Variants in MGLL observed in about 807,000 individuals in gnomAD.
MGLL encodes the protein monoglyceride lipase.
In MGLL, 7 loss-of-function variants were observed where a neutral mutation model predicts 29.1. The observed-to-expected ratio is 0.24, with a 90% CI of 0.14 to 0.45. The LOEUF (loss-of-function observed/expected upper bound fraction) is 0.45, where lower values mean the gene tolerates loss of function less well. Among genes scored for constraint, MGLL ranks in the 20% least tolerant of loss-of-function variants. The probability of loss-of-function intolerance (pLI) is 0.99; values close to 1 mark genes in which losing one functional copy is unlikely to be tolerated. For synonymous variants in MGLL, 148 were observed against 168.3 expected (o/e 0.88, Z 0.93); for missense variants, 356 against 413.6 (o/e 0.86, Z 1.21).
intron 3 of MGLL, among the ~76,000 whole-genome samples, chr3:127,727,704 T>TAAAAAAAAAAAAAA: frequency 1.2e-5 from 1 of 80,710 alleles, no homozygotes; most frequent in Non-Finnish European, 2.3e-5. Flanking sequence ...AGAGCAAGGC[T>TAAAAAAAAAAAAAA]AAAAAAAAAA....
At chr3:127,799,385 C>T (rs1004395817) in intron 2 of MGLL, 1 of 152,226 alleles carries the variant, frequency 6.6e-6, no homozygotes, top group South Asian at 2.1e-4. Flanking sequence ...CTACCACCCT[C>T]AAGACCAGCT....
At position 127,813,760 on chromosome 3, in the gene MGLL, A is replaced by G. The variant is rs188464596; in HGVS notation, c.155+7934T>C. On this transcript the variant is annotated intron_variant, in intron 2 of 7. Transcript: ENST00000265052. ...CCATTTTGAGAGTCTGGTGGAGCCT[A>G]TGATCCATCTTCCTTTCCTAGAAAA... is the stretch of plus-strand genomic sequence containing the variant. Among the ~76,000 whole-genome samples the G allele has an allele frequency of 5.6e-4, 86 of 152,226 alleles. 1 individual carries two copies. Among genetic ancestry groups the G allele is most frequent in the Admixed American group, 1.6e-3 (24 of 15,290 alleles).
At chr3:127,726,190 AAAAG>A (rs57101517) in intron 3 of MGLL, among the ~76,000 whole-genome samples, 1,263 of 74,088 alleles carry the variant, frequency 0.017, 21 homozygotes, top group East Asian at 0.075. Context: ...GAAAGAAAAG[AAAAG>A]AAAGAAAGAA....
At chr3:127,732,289 G>C (rs372170850) in intron 3 of MGLL, among the ~76,000 whole-genome samples, 5 of 152,338 alleles carry the variant, frequency 3.3e-5, no homozygotes. Context: ...TGTTTCATTT[G>C]TTCCCCACAA....
rs149185693 is a variant in MGLL, at chr3:127,808,375, T to C, written c.155+13319A>G. ...TGCAGTCTTAAAATGGTTGCCAGAG[T>C]GCCCAGGGTTCACACTTCTAGAGTC... On this transcript the variant is annotated intron_variant, in intron 2 of 7. Transcript: ENST00000265052. Among the ~76,000 whole-genome samples, 9 of 152,282 alleles carry C rather than the reference T, an allele frequency of 5.9e-5. No homozygotes were observed. In the East Asian group the frequency reaches 1.7e-3, roughly 29 times the overall value.
At chr3:127,742,088 G>T (rs984681540) in intron 3 of MGLL, among the ~76,000 whole-genome samples, 1 of 152,184 alleles carries the variant, frequency 6.6e-6, no homozygotes, top group African/African-American at 2.4e-5. Context: ...TAGATCAAAA[G>T]ATACGAATAT....
At chr3:127,771,995 G>A (rs1023193186) in intron 3 of MGLL, among the ~76,000 whole-genome samples, 7 of 152,246 alleles carry the variant, frequency 4.6e-5, no homozygotes, top group African/African-American at 1.7e-4. Flanking sequence ...TTACACCAAC[G>A]TCTCTCAGGG....
intron 2 of MGLL, among the ~76,000 whole-genome samples, chr3:127,808,336 T>C (rs539893442): frequency 4.6e-5 from 7 of 152,326 alleles, no homozygotes; most frequent in African/African-American, 1.7e-4. Flanking sequence ...CCATTCTTGG[T>C]CAGACTTCCC....
chr3:127,811,990 T>C (rs55912876), intron 2 of MGLL, among the ~76,000 whole-genome samples: 4,320 of 152,328 alleles, frequency 0.028, 198 homozygotes, highest in African/African-American at 0.098. Context: ...ATTCCTAACA[T>C]ACCCCAGACT....
chr3:127,697,373 C>G (rs2075389102), intron 6 of MGLL, among the ~76,000 whole-genome samples: 1 of 152,250 alleles, frequency 6.6e-6, no homozygotes, highest in Admixed American at 6.5e-5. Flanking sequence ...CTCTGGCTGT[C>G]TGCCCGGCAC....
At chr3:127,784,616 A>G (rs2077182980) in intron 2 of MGLL, among the ~76,000 whole-genome samples, 1 of 152,116 alleles carries the variant, frequency 6.6e-6, no homozygotes, top group African/African-American at 2.4e-5. Flanking sequence ...CTGTAGGCTT[A>G]GCCTTCCACA....
At chr3:127,764,540 T>C (rs2076823237) in intron 3 of MGLL, among the ~76,000 whole-genome samples, 1 of 152,156 alleles carries the variant, frequency 6.6e-6, no homozygotes, top group East Asian at 1.9e-4. Flanking sequence ...GCTCACGTGC[T>C]CTCCTCATCT....
intron 4 of MGLL, 117 bp from the exon 5 acceptor site, chr3:127,721,280 G>A (rs139540171): frequency 4.9e-5 from 39 of 803,058 alleles, no homozygotes; most frequent in African/African-American, 4.6e-4. Context: ...GCCCTGAGGA[G>A]GACTACCTTG....
chr3:127,787,643 C>T (rs1305239724), intron 2 of MGLL, among the ~76,000 whole-genome samples: 3 of 152,320 alleles, frequency 2.0e-5, no homozygotes, highest in South Asian at 2.1e-4. Flanking sequence ...AGGGGAGCCT[C>T]GGGGACACTA....
intron 3 of MGLL, among the ~76,000 whole-genome samples, chr3:127,757,445 C>T (rs1394791471): frequency 1.3e-5 from 2 of 152,122 alleles, no homozygotes; most frequent in Non-Finnish European, 2.9e-5. Context: ...ATATATAATA[C>T]ACACAGACAC....
At chr3:127,793,147 A>G (rs778818330) in intron 2 of MGLL, among the ~76,000 whole-genome samples, 1 of 152,204 alleles carries the variant, frequency 6.6e-6, no homozygotes, top group Non-Finnish European at 1.5e-5. Flanking sequence ...CCAGAGAAAT[A>G]AAGCAATCGG....
intron 2 of MGLL, among the ~76,000 whole-genome samples, chr3:127,784,528 A>G (rs1450760337): frequency 6.6e-6 from 1 of 152,166 alleles, no homozygotes; most frequent in Non-Finnish European, 1.5e-5. Flanking sequence ...AGAGGCTGAC[A>G]GATATAGCCG....
chr3:127,795,177 T>C (rs566673674), intron 2 of MGLL, among the ~76,000 whole-genome samples: 7 of 152,338 alleles, frequency 4.6e-5, no homozygotes, highest in African/African-American at 1.4e-4. Flanking sequence ...ATATATGCAA[T>C]GGAATACTAT....
chr3:127,759,615 A>G (rs555594845), intron 3 of MGLL, among the ~76,000 whole-genome samples: 1 of 152,318 alleles, frequency 6.6e-6, no homozygotes, highest in African/African-American at 2.4e-5. Flanking sequence ...AGAGAATGTA[A>G]TTCACAGAAG....
Sources: gnomAD v4.1 joint callset for allele counts (sites outside exome capture counted in the v4.1 genomes callset) on GRCh38, gnomAD v4.1.1 for gene constraint, MANE v1.5 for transcripts, NCBI Gene and HGNC (gene_info 2026-07-23, HGNC 2026-07-21) for gene names.